Variants in GRID1 observed in about 807,000 individuals in gnomAD.
GRID1 encodes the protein glutamate ionotropic receptor delta type subunit 1, also known as glutamate receptor ionotropic, delta-1.
GRID1 carries 28 observed loss-of-function variants against 98.0 expected under a neutral mutation model. The observed-to-expected ratio is 0.29, with a 90% CI of 0.21 to 0.39. The LOEUF is 0.39. GRID1 is among the 10% of genes least tolerant of loss of function. The pLI, the probability that GRID1 is intolerant of heterozygous loss-of-function variation, is 1.00. For synonymous variants in GRID1, 553 were observed against 538.5 expected (o/e 1.03, Z -0.37); for missense variants, 1,111 against 1,340.5 (o/e 0.83, Z 2.67).
At chr10:85,614,164 C>T (rs1410008994) in intron 14 of GRID1, among the ~76,000 whole-genome samples, 2 of 152,186 alleles carry the variant, frequency 1.3e-5, no homozygotes, top group Non-Finnish European at 2.9e-5. Flanking sequence ...TTCAGCACTA[C>T]TAAGCTTATG....
At chr10:86,038,742 T>A (rs1242076578) in intron 4 of GRID1, among the ~76,000 whole-genome samples, 1 of 152,252 alleles carries the variant, frequency 6.6e-6, no homozygotes, top group Non-Finnish European at 1.5e-5. Context: ...TCCCATTGTG[T>A]CACTTCTCTT....
intron 4 of GRID1, among the ~76,000 whole-genome samples, chr10:86,034,553 A>T (rs966555966): frequency 2.6e-5 from 4 of 152,070 alleles, no homozygotes. Flanking sequence ...TCCATTTCTG[A>T]CTAGTTCCAA....
At chr10:86,064,522 G>A (rs994202633) in intron 4 of GRID1, among the ~76,000 whole-genome samples, 1 of 152,124 alleles carries the variant, frequency 6.6e-6, no homozygotes. Flanking sequence ...CAGTGTGCTG[G>A]GCCAGCTGCA....
Position 85,656,105 on chromosome 10 carries a change from T to A in GRID1, c.1998-8708A>T, listed in dbSNP as rs149095235. ...ACCCTCTTCCCGTTTCTCAGGAACC[T>A]GGCTTACTCCAGTTTTCATCCCTCT... On this transcript the variant is annotated intron_variant, in intron 12 of 15. Transcript: ENST00000327946. Among the ~76,000 whole-genome samples, 3 of 152,302 alleles carry A rather than the reference T, an allele frequency of 2.0e-5. No homozygotes were observed. The East Asian group carries it at 5.8e-4, about 29-fold the overall frequency.
chr10:86,176,226 C>T (rs924088674), intron 3 of GRID1, among the ~76,000 whole-genome samples: 9 of 152,136 alleles, frequency 5.9e-5, no homozygotes, highest in African/African-American at 1.7e-4. Flanking sequence ...TTGAACACCA[C>T]GTTCTGGGGC....
chr10:85,878,676 G>T (rs905562771), intron 5 of GRID1, among the ~76,000 whole-genome samples: 8 of 152,310 alleles, frequency 5.3e-5, no homozygotes, highest in Non-Finnish European at 1.2e-4. Flanking sequence ...ATGCCAAAAT[G>T]TAAAGACCAT....
intron 2 of GRID1, among the ~76,000 whole-genome samples, chr10:86,213,498 C>G (rs564419881): frequency 6.6e-6 from 1 of 152,110 alleles, no homozygotes; most frequent in Non-Finnish European, 1.5e-5. Context: ...AGCTCCACAC[C>G]TCCCTGTCTG....
At chr10:86,179,859 CT>C (rs1350882579) in intron 3 of GRID1, among the ~76,000 whole-genome samples, 5 of 152,240 alleles carry the variant, frequency 3.3e-5, no homozygotes, top group Admixed American at 3.3e-4. Flanking sequence ...GGAAGCCCAT[CT>C]TCCCCCGTAA....
intron 4 of GRID1, among the ~76,000 whole-genome samples, chr10:85,937,574 GAGGGTCTCCCCTCTTA>G (rs1841943824): frequency 6.6e-6 from 1 of 152,266 alleles, no homozygotes; most frequent in South Asian, 2.1e-4. Flanking sequence ...CATTGCTCTT[GAGGGTCTCCCCTCTTA>G]AACTGTAAGA....
At chr10:85,849,034 T>C (rs1267115557) in intron 8 of GRID1, among the ~76,000 whole-genome samples, 1 of 152,068 alleles carries the variant, frequency 6.6e-6, no homozygotes, top group Admixed American at 6.6e-5. Context: ...CCTCCACCCA[T>C]ATCCCCCTCC....
intron 5 of GRID1, among the ~76,000 whole-genome samples, chr10:85,881,168 G>T (rs530587498): frequency 1.3e-5 from 2 of 152,312 alleles, no homozygotes; most frequent in South Asian, 2.1e-4. Context: ...TGGCTAGGAA[G>T]AATCAATATC....
intron 3 of GRID1, among the ~76,000 whole-genome samples, chr10:86,173,728 C>T (rs1845529813): frequency 8.7e-6 from 1 of 115,532 alleles, no homozygotes; most frequent in Non-Finnish European, 1.7e-5. Flanking sequence ...CTTCCCCCTC[C>T]CCCCACCCCA....
chr10:85,604,668 AG>A lies in GRID1; in HGVS notation c.2602-1968del, dbSNP rs755446489. Among the ~76,000 whole-genome samples the A allele has an allele frequency of 1.6e-4, 25 of 152,340 alleles. No individual in the cohort carries two copies. In the East Asian group the frequency reaches 2.9e-3, roughly 18 times the overall value. ...TCCTTCAAAGGTTTGTAAAATATAG[AG>A]CAAACCAAATTCAAGTTATTTTCCT... On this transcript the variant is annotated intron_variant, in intron 15 of 15. Transcript: ENST00000327946.
chr10:85,873,203 T>C (rs1843296035), intron 5 of GRID1, among the ~76,000 whole-genome samples: 1 of 152,218 alleles, frequency 6.6e-6, no homozygotes, highest in African/African-American at 2.4e-5. Flanking sequence ...TCTGTACTAC[T>C]ATGAGACACC....
chr10:86,203,044 C>A (rs1845975882), intron 3 of GRID1, among the ~76,000 whole-genome samples: 1 of 152,124 alleles, frequency 6.6e-6, no homozygotes, highest in African/African-American at 2.4e-5. Flanking sequence ...CCTTTCTGAG[C>A]CTCATTTTCC....
chr10:86,335,413 G>C (rs1391039052), intron 2 of GRID1, among the ~76,000 whole-genome samples: 1 of 152,228 alleles, frequency 6.6e-6, no homozygotes, highest in Non-Finnish European at 1.5e-5. Flanking sequence ...GCTCACAAAA[G>C]TTAATGGGCT....
chr10:85,606,804 T>C (rs945851090), intron 15 of GRID1: 2 of 152,230 alleles, frequency 1.3e-5, no homozygotes, highest in African/African-American at 4.8e-5. Flanking sequence ...ATTATCTATC[T>C]TTTAGACAAA....
chr10:85,809,157 T>C (rs571990764), intron 8 of GRID1, among the ~76,000 whole-genome samples: 2 of 152,064 alleles, frequency 1.3e-5, no homozygotes, highest in Non-Finnish European at 2.9e-5. Flanking sequence ...CTCGTTAACC[T>C]ATAAATATGT....
intron 4 of GRID1, among the ~76,000 whole-genome samples, chr10:86,065,734 A>C (rs1264280730): frequency 6.6e-6 from 1 of 152,258 alleles, no homozygotes; most frequent in African/African-American, 2.4e-5. Context: ...AGGCAGCCTC[A>C]GCCCTCTTAT....
Sources: gnomAD v4.1 joint callset for allele counts (sites outside exome capture counted in the v4.1 genomes callset) on GRCh38, gnomAD v4.1.1 for gene constraint, MANE v1.5 for transcripts, NCBI Gene and HGNC (gene_info 2026-07-23, HGNC 2026-07-21) for gene names.